The following SPIDR variants were observed in gnomAD, a reference collection of about 807,000 sequenced individuals.
SPIDR encodes the protein DNA repair-scaffolding protein.
SPIDR carries 93 observed loss-of-function variants against 104.6 expected under a neutral mutation model. That is an observed-to-expected ratio of 0.89 (90% CI 0.75 to 1.06). The LOEUF (loss-of-function observed/expected upper bound fraction) is 1.06, where lower values mean the gene tolerates loss of function less well. Among genes scored for constraint, SPIDR ranks in the 50% least tolerant of loss-of-function variants. SPIDR has a pLI of 0.00. For missense variants in SPIDR, 1,154 were observed against 1,111.2 expected (o/e 1.04, Z -0.55); for synonymous variants, 431 against 416.9 (o/e 1.03, Z -0.41).
At chr8:47,481,644 T>TA (rs1228322251) in intron 8 of SPIDR, among the ~76,000 whole-genome samples, 3 of 152,324 alleles carry the variant, frequency 2.0e-5, no homozygotes, top group African/African-American at 7.2e-5. Context: ...TCAATGTGTA[T>TA]TTAATGACTA....
chr8:47,734,711 C>G (rs117812720), intron 19 of SPIDR, among the ~76,000 whole-genome samples: 4,651 of 152,308 alleles, frequency 0.031, 130 homozygotes, highest in Middle Eastern at 0.085. Context: ...ACCACACCCT[C>G]TCAGCCTGGT....
intron 14 of SPIDR, among the ~76,000 whole-genome samples, chr8:47,703,898 C>T (rs1358586617): frequency 6.6e-6 from 1 of 152,128 alleles, no homozygotes; most frequent in Admixed American, 6.6e-5. Flanking sequence ...CGGGGAGGGC[C>T]ATCTACTGAC....
At chr8:47,264,959 T>G (rs1554545482) in intron 1 of SPIDR, among the ~76,000 whole-genome samples, 1 of 152,196 alleles carries the variant, frequency 6.6e-6, no homozygotes, top group African/African-American at 2.4e-5. Context: ...GTACATCCTC[T>G]ACTGCTTTGT....
chr8:47,284,590 G>T (rs1429444655), intron 3 of SPIDR, among the ~76,000 whole-genome samples: 10 of 152,172 alleles, frequency 6.6e-5, no homozygotes, highest in African/African-American at 2.4e-4. Context: ...TCCTGCAGCA[G>T]GACATCCACA....
At chr8:47,364,300 C>T (rs1185540411) in intron 5 of SPIDR, among the ~76,000 whole-genome samples, 3 of 152,166 alleles carry the variant, frequency 2.0e-5, no homozygotes, top group Admixed American at 2.0e-4. Context: ...CCTTTGGTCC[C>T]TTCTGTGTCC....
At chr8:47,432,516 T>C (rs1302078905) in intron 7 of SPIDR, among the ~76,000 whole-genome samples, 3 of 152,174 alleles carry the variant, frequency 2.0e-5, no homozygotes, top group African/African-American at 7.2e-5. Flanking sequence ...TTGGTACTGA[T>C]CCAGGTGCAA....
intron 5 of SPIDR, 199 bp downstream of exon 5, chr8:47,294,229 A>C: frequency 1.8e-6 from 1 of 566,522 alleles, no homozygotes; most frequent in Non-Finnish European, 2.8e-6. Context: ...ATAAATATTG[A>C]TCTCACTTCT....
chr8:47,546,433 T>C (rs1474641628), intron 8 of SPIDR, among the ~76,000 whole-genome samples: 2 of 152,182 alleles, frequency 1.3e-5, no homozygotes, highest in Non-Finnish European at 2.9e-5. Context: ...TTTTGATGTC[T>C]ACATGGTCTA....
chr8:47,680,755 T>A (rs2076992552), intron 11 of SPIDR, among the ~76,000 whole-genome samples: 1 of 152,190 alleles, frequency 6.6e-6, no homozygotes, highest in Non-Finnish European at 1.5e-5. Context: ...TTTTGAAAAA[T>A]AAAATTGTTC....
At chr8:47,481,223 A>C (rs2076865572) in intron 8 of SPIDR, among the ~76,000 whole-genome samples, 1 of 152,246 alleles carries the variant, frequency 6.6e-6, no homozygotes, top group Non-Finnish European at 1.5e-5. Flanking sequence ...TCTCGTCATT[A>C]CATTCTGTTT....
At chr8:47,393,613 C>T (rs538563855) in intron 5 of SPIDR, among the ~76,000 whole-genome samples, 9 of 152,034 alleles carry the variant, frequency 5.9e-5, no homozygotes, top group South Asian at 2.1e-4. Flanking sequence ...GGAAGCAAAC[C>T]TCTTTTCTTT....
intron 8 of SPIDR, among the ~76,000 whole-genome samples, chr8:47,445,508 A>G (rs1443680844): frequency 2.0e-5 from 3 of 152,220 alleles, no homozygotes; most frequent in Non-Finnish European, 4.4e-5. Context: ...TGGCCAATTA[A>G]TCGCCCTAAT....
intron 8 of SPIDR, among the ~76,000 whole-genome samples, chr8:47,559,168 T>C (rs2056755016): frequency 1.3e-5 from 2 of 152,170 alleles, no homozygotes; most frequent in Admixed American, 1.3e-4. Context: ...CTGTATAATA[T>C]AAAAGGAAAA....
chr8:47,728,804 T>C, intron 17 of SPIDR, 129 bp from the exon 18 acceptor site: 5 of 1,102,088 alleles, frequency 4.5e-6, no homozygotes, highest in South Asian at 3.3e-5. Flanking sequence ...TCTCAGAAAC[T>C]TGATTCTGAG....
intron 10 of SPIDR, among the ~76,000 whole-genome samples, chr8:47,610,766 G>A (rs546083501): frequency 4.6e-5 from 7 of 152,310 alleles, no homozygotes; most frequent in African/African-American, 1.7e-4. Flanking sequence ...AGATGCCCTT[G>A]TTTCTTCCTC....
chr8:47,365,527 G>A (rs1554633910), intron 5 of SPIDR, among the ~76,000 whole-genome samples: 1 of 152,094 alleles, frequency 6.6e-6, no homozygotes, highest in East Asian at 1.9e-4. Flanking sequence ...CATCTGTTTA[G>A]CTGTCCTCTC....
intron 11 of SPIDR, among the ~76,000 whole-genome samples, chr8:47,694,830 A>G (rs79358717): frequency 6.6e-6 from 1 of 152,140 alleles, no homozygotes; most frequent in Non-Finnish European, 1.5e-5. Context: ...AAAAAAAAAT[A>G]TGAGTTAATC....
chr8:47,443,296 G>T (rs1317970882), intron 8 of SPIDR, among the ~76,000 whole-genome samples: 2 of 152,022 alleles, frequency 1.3e-5, no homozygotes, highest in Admixed American at 6.6e-5. Flanking sequence ...GAGGCCGGGC[G>T]CATTAGTTCA....
chr8:47,666,462 T>C (rs1004250284), intron 10 of SPIDR, among the ~76,000 whole-genome samples: 2 of 152,222 alleles, frequency 1.3e-5, no homozygotes, highest in African/African-American at 4.8e-5. Context: ...TTCCCCACTT[T>C]TATAAATTTA....
Sources: gnomAD v4.1 joint callset for allele counts (sites outside exome capture counted in the v4.1 genomes callset) on GRCh38, gnomAD v4.1.1 for gene constraint, MANE v1.5 for transcripts, NCBI Gene and HGNC (gene_info 2026-07-23, HGNC 2026-07-21) for gene names.